CELF4: variants seen among roughly 807,000 people sequenced by gnomAD.
The protein encoded by CELF4 is CUG-BP- and ETR-3-like factor 4.
A neutral mutation model predicts 59.9 loss-of-function variants in CELF4; 18 were observed. The observed-to-expected ratio is 0.30, with a 90% confidence interval of 0.21 to 0.45. The LOEUF (loss-of-function observed/expected upper bound fraction) is 0.45, where lower values mean the gene tolerates loss of function less well. CELF4 is among the 20% of genes least tolerant of loss of function. The pLI is 1.00. For missense variants in CELF4, 456 were observed against 689.0 expected, an observed-to-expected ratio of 0.66 and a Z score of 3.79; for synonymous variants, 261 against 267.1, an observed-to-expected ratio of 0.98 and a Z score of 0.22.
intron 1 of CELF4, among the ~76,000 whole-genome samples, chr18:37,490,739 C>G (rs1284182037): frequency 6.6e-6 from 1 of 152,146 alleles, no homozygotes; most frequent in Non-Finnish European, 1.5e-5. Flanking sequence ...CGTCTTTGCC[C>G]TCCCATTTTT....
At chr18:37,395,830 T>C (rs189852928) in intron 2 of CELF4, among the ~76,000 whole-genome samples, 67 of 152,302 alleles carry the variant, frequency 4.4e-4, no homozygotes, top group Admixed American at 1.4e-3. Flanking sequence ...AGGCTGGCTT[T>C]GGGGCACTCA....
At chr18:37,503,807 G>A (rs531561804) in intron 1 of CELF4, among the ~76,000 whole-genome samples, 6 of 152,156 alleles carry the variant, frequency 3.9e-5, no homozygotes, top group African/African-American at 1.2e-4. Flanking sequence ...ACTGAGAGCC[G>A]CTTGAATGTC....
intron 1 of CELF4, among the ~76,000 whole-genome samples, chr18:37,516,000 G>A (rs1169239730): frequency 6.6e-6 from 1 of 152,174 alleles, no homozygotes; most frequent in Non-Finnish European, 1.5e-5. Flanking sequence ...CTTTGGTGGA[G>A]TGAGTGAGTG....
chr18:37,389,311 C>T (rs1383495436), intron 2 of CELF4, among the ~76,000 whole-genome samples: 1 of 152,218 alleles, frequency 6.6e-6, no homozygotes, highest in African/African-American at 2.4e-5. Context: ...TCAGAGTCCA[C>T]ACCCACAGGG....
chr18:37,415,733 G>A (rs555077119), intron 2 of CELF4, among the ~76,000 whole-genome samples: 12 of 152,300 alleles, frequency 7.9e-5, no homozygotes, highest in African/African-American at 2.6e-4. Flanking sequence ...AATGTGGCAG[G>A]TTGGGAAGAT....
chr18:37,535,946 C>T (rs1296684161), intron 1 of CELF4, among the ~76,000 whole-genome samples: 2 of 152,140 alleles, frequency 1.3e-5, no homozygotes, highest in Non-Finnish European at 2.9e-5. Context: ...AACTTTAATT[C>T]CTGTTTTTGG....
intron 2 of CELF4, among the ~76,000 whole-genome samples, chr18:37,459,141 C>T (rs1950507157): frequency 1.3e-5 from 2 of 152,184 alleles, no homozygotes; most frequent in African/African-American, 2.4e-5. Context: ...GGACTACCTG[C>T]CTTGTGGTGA....
intron 10 of CELF4, among the ~76,000 whole-genome samples, chr18:37,264,356 G>T (rs1363792416): frequency 6.6e-6 from 1 of 152,264 alleles, no homozygotes; most frequent in African/African-American, 2.4e-5. Context: ...CTCTGTGTCA[G>T]GCCAGCAGCA....
At chr18:37,522,798 A>G (rs7505800) in intron 1 of CELF4, among the ~76,000 whole-genome samples, 135,312 of 151,990 alleles carry the variant, frequency 0.89, 60,682 homozygotes, top group East Asian at 0.97. Flanking sequence ...CCTGTGGGGC[A>G]GCACCAAATC....
At chr18:37,338,375 T>C (rs2097854563) in intron 2 of CELF4, among the ~76,000 whole-genome samples, 2 of 146,990 alleles carry the variant, frequency 1.4e-5, no homozygotes, top group East Asian at 4.0e-4. Flanking sequence ...ACCTTGTCAC[T>C]ATGACTGTCA....
intron 3 of CELF4, among the ~76,000 whole-genome samples, chr18:37,277,850 C>T (rs2093579414): frequency 6.6e-6 from 1 of 152,168 alleles, no homozygotes; most frequent in Non-Finnish European, 1.5e-5. Context: ...CCCGCCCCTG[C>T]TAATCCCTGG....
intron 3 of CELF4, among the ~76,000 whole-genome samples, chr18:37,312,864 AC>A (rs2096725846): frequency 1.3e-5 from 2 of 152,174 alleles, no homozygotes; most frequent in African/African-American, 4.8e-5. Flanking sequence ...TTGGCCAAGG[AC>A]ATGGCTGTGG....
At chr18:37,430,939 C>A (rs1469647750) in intron 2 of CELF4, among the ~76,000 whole-genome samples, 1 of 152,234 alleles carries the variant, frequency 6.6e-6, no homozygotes, top group African/African-American at 2.4e-5. Context: ...CCGCCTCCCC[C>A]ACACTCCCAT....
intron 3 of CELF4, among the ~76,000 whole-genome samples, chr18:37,284,536 AACGTCACCCAGGCCCT>A (rs2094543756): frequency 6.6e-6 from 1 of 151,968 alleles, no homozygotes; most frequent in African/African-American, 2.4e-5. Context: ...GGCCCAACAC[AACGTCACCCAGGCCCT>A]ACATGACAAG....
intron 2 of CELF4, among the ~76,000 whole-genome samples, chr18:37,456,875 G>A (rs778106552): frequency 5.5e-4 from 84 of 152,022 alleles, no homozygotes; most frequent in African/African-American, 3.9e-4. Flanking sequence ...ACCACACCTC[G>A]GGAACTCCTC....
intron 3 of CELF4, among the ~76,000 whole-genome samples, chr18:37,298,732 A>T (rs1453147017): frequency 6.6e-6 from 1 of 151,626 alleles, no homozygotes; most frequent in African/African-American, 2.4e-5. Flanking sequence ...CTCAAAAAAA[A>T]AAAAAAAAAA....
intron 2 of CELF4, among the ~76,000 whole-genome samples, chr18:37,383,089 A>C (rs111682897): frequency 1.3e-5 from 2 of 152,106 alleles, no homozygotes; most frequent in Non-Finnish European, 2.9e-5. Context: ...GGATCTCACT[A>C]TGTTGTCCAG....
intron 2 of CELF4, among the ~76,000 whole-genome samples, chr18:37,423,836 T>C (rs570139342): frequency 5.3e-4 from 80 of 152,018 alleles, no homozygotes; most frequent in African/African-American, 1.8e-3. Context: ...GGCTCACAGA[T>C]CTTTGACTGG....
chr18:37,511,588 T>C (rs2099944388), intron 1 of CELF4, among the ~76,000 whole-genome samples: 1 of 151,666 alleles, frequency 6.6e-6, no homozygotes, highest in Non-Finnish European at 1.5e-5. Context: ...ACTACCCAGA[T>C]GTGAATCTCC....
Sources: gnomAD v4.1 joint callset for allele counts (sites outside exome capture counted in the v4.1 genomes callset) on GRCh38, gnomAD v4.1.1 for gene constraint, MANE v1.5 for transcripts, NCBI Gene and HGNC (gene_info 2026-07-23, HGNC 2026-07-21) for gene names.